Variants in SLC37A2 observed in about 807,000 individuals in gnomAD.
The protein encoded by SLC37A2 is glucose-6-phosphate exchanger SLC37A2.
A neutral mutation model predicts 70.7 loss-of-function variants in SLC37A2; 59 were observed. The ratio of observed to expected loss-of-function variants is 0.83; its 90% CI spans 0.68 to 1.04. The LOEUF (loss-of-function observed/expected upper bound fraction) is 1.04. Ranked by LOEUF, SLC37A2 falls within the 50% of genes least tolerant of loss-of-function variation. SLC37A2 has a pLI of 0.00. For missense variants in SLC37A2, 580 were observed against 658.1 expected (o/e 0.88, Z 1.30); for synonymous variants, 257 against 262.1 (o/e 0.98, Z 0.19).
In SLC37A2 at chr11:125,083,492, CAG is replaced by C; in HGVS notation, c.977-322_977-321del. On this transcript the variant is annotated intron_variant, in intron 10 of 17. Transcript: ENST00000403796. This position sits in a 1 kb window ranked among gnomAD's most constrained non-coding sequence, Gnocchi z 4.6. Reference sequence around the variant, plus strand: ...GCAGAGAAAGGGCTGGGCTGAGCTTCAGGTTGCGCTCCAGGGGAAAGGTGGCC... The same window carrying C: ...GCAGAGAAAGGGCTGGGCTGAGCTTCGTTGCGCTCCAGGGGAAAGGTGGCC... The C allele has an allele frequency of 3.3e-6, 1 of 302,718 alleles. No individual in the cohort carries two copies. The allele number at this position is 302,718 out of a possible 1,614,324, so 18.8% of individuals were successfully genotyped here.
chr11:125,067,540 G>A (rs1285047403), intron 1 of SLC37A2, among the ~76,000 whole-genome samples: 1 of 152,104 alleles, frequency 6.6e-6, no homozygotes. Context: ...TTATTTCCAA[G>A]CAATTGATCA....
chr11:125,075,587 A>G (rs564690549), intron 1 of SLC37A2, among the ~76,000 whole-genome samples: 1 of 152,360 alleles, frequency 6.6e-6, no homozygotes, highest in South Asian at 2.1e-4. Flanking sequence ...GGGCAGGAGC[A>G]ACTTCAGTCT....
At chr11:125,066,963 C>CTATTTTATTT (rs67287584) in intron 1 of SLC37A2, among the ~76,000 whole-genome samples, 1,856 of 150,730 alleles carry the variant, frequency 0.012, 42 homozygotes, top group African/African-American at 0.04. Context: ...AGCCTAGTAA[C>CTATTTTATTT]TATTTTATTT....
At chr11:125,068,944 G>C (rs2135559504) in intron 1 of SLC37A2, among the ~76,000 whole-genome samples, 1 of 152,336 alleles carries the variant, frequency 6.6e-6, no homozygotes. Context: ...AGAATAGGAA[G>C]CTGAAAGTGG....
At chr11:125,084,952 G>T in intron 13 of SLC37A2, 79 bp downstream of exon 13, 1 of 1,596,850 alleles carries the variant, frequency 6.3e-7, no homozygotes, top group Non-Finnish European at 8.6e-7. Flanking sequence ...GCCCACGGGG[G>T]GCACTGACAG....
chr11:125,063,937 G>T lies in SLC37A2; in HGVS notation c.59+511G>T, dbSNP rs1948956054. ...TCGTCTCGAGGCCTTTCAGCACCTG[G>T]AAAGGGCACAGCTCTCAGAGCAGAG... On this transcript the variant is annotated intron_variant, in intron 1 of 17. Transcript: ENST00000403796. This position sits in a 1 kb window ranked among gnomAD's most constrained non-coding sequence, Gnocchi z 5.4. 6.6e-6 allele frequency among the ~76,000 whole-genome samples: 1 copy of T among 152,188 alleles called. No individual in the cohort carries two copies. Among genetic ancestry groups the T allele is most frequent in the South Asian group, 2.1e-4 (1 of 4,838 alleles).
intron 1 of SLC37A2, among the ~76,000 whole-genome samples, chr11:125,073,677 C>T (rs952287777): frequency 2.0e-5 from 3 of 152,238 alleles, no homozygotes; most frequent in Non-Finnish European, 1.5e-5. Context: ...GGAATGAAAC[C>T]AGCTTTTGCC....
At chr11:125,086,378 T>A in intron 17 of SLC37A2, 2 of 853,772 alleles carry the variant, frequency 2.3e-6, no homozygotes, top group Non-Finnish European at 4.0e-6. Context: ...GGGCCAGTTG[T>A]AAAGACTTTC....
chr11:125,075,490 A>G (rs1949074512), intron 1 of SLC37A2, among the ~76,000 whole-genome samples: 1 of 151,874 alleles, frequency 6.6e-6, no homozygotes, highest in South Asian at 2.1e-4. Flanking sequence ...CGGGGCGTGG[A>G]GCTGCCTGCA....
intron 1 of SLC37A2, among the ~76,000 whole-genome samples, chr11:125,075,443 C>T (rs769180691): frequency 4.7e-4 from 71 of 152,346 alleles, no homozygotes; most frequent in Non-Finnish European, 9.4e-4. Context: ...CTCTGTGACC[C>T]ACATGTGTGC....
Position 125,083,880 on chromosome 11 carries a change from G to A in SLC37A2, c.1039+3G>A, listed in dbSNP as rs1222336697. 4 of 1,614,096 alleles carry A rather than the reference G, an allele frequency of 2.5e-6. No individual in the cohort carries two copies. The highest frequency in any genetic ancestry group is 3.4e-6 in the Non-Finnish European group (4 of 1,179,938). On this transcript the variant is annotated splice_donor_region_variant and intron_variant, in intron 11 of 17. Coordinates refer to ENST00000403796, the MANE Select transcript of SLC37A2 (RefSeq NM_001145290.2). The surrounding 1 kb of genome is among the most constrained non-coding windows in gnomAD (Gnocchi z 4.6). ...CTTCGATGTTGGTGGCATCATAGGT[G>A]AGGCCTTGCCCTGCTCTGCCAGCAG...
rs1382852952 is a variant in SLC37A2 at position 125,085,976 on chromosome 11, A to C, written c.1448A>C (p.Lys483Thr). The C allele has an allele frequency of 6.2e-7, 1 of 1,614,044 alleles. No individual in the cohort carries two copies. The highest frequency in any genetic ancestry group is 8.5e-7 in the Non-Finnish European group (1 of 1,179,992). The change falls in exon 17 of 18, where the codon AAA becomes ACA. Residue 483 changes from lysine (K) to threonine (T), a missense_variant. Transcript: ENST00000403796. ...CAGCTCCTTTGCCGGTTAGTATACAAAGAGATCTTGGCCTGGAAGGTGTCC... is the reference window on the plus strand; with the variant it reads ...CAGCTCCTTTGCCGGTTAGTATACACAGAGATCTTGGCCTGGAAGGTGTCC... ...ACLLLCRLVY[K>T]EILAWKVSLS...
intron 1 of SLC37A2, among the ~76,000 whole-genome samples, chr11:125,074,509 G>A (rs941111810): frequency 2.6e-5 from 4 of 152,002 alleles, no homozygotes; most frequent in Non-Finnish European, 5.9e-5. Flanking sequence ...TGAGGTTGTC[G>A]GGGACAGAAC....
At chr11:125,079,638 C>A (rs749732749) in intron 5 of SLC37A2, 46 bp from the exon 6 acceptor site, 1 of 1,495,238 alleles carries the variant, frequency 6.7e-7, no homozygotes, top group Non-Finnish European at 9.2e-7. Context: ...GGGAGCCAGT[C>A]GCACAGCCCA....
At chr11:125,071,359 A>G (rs1343835426) in intron 1 of SLC37A2, among the ~76,000 whole-genome samples, 1 of 151,998 alleles carries the variant, frequency 6.6e-6, no homozygotes, top group African/African-American at 2.4e-5. Context: ...GAGCCCCACC[A>G]ACACTCCCAC....
intron 1 of SLC37A2, among the ~76,000 whole-genome samples, chr11:125,067,223 C>T (rs1407615176): frequency 2.0e-5 from 3 of 152,128 alleles, no homozygotes; most frequent in African/African-American, 7.2e-5. Flanking sequence ...AAGCCATCCT[C>T]CTACCTCATC....
chr11:125,072,212 T>A (rs1949036157), intron 1 of SLC37A2, among the ~76,000 whole-genome samples: 1 of 152,136 alleles, frequency 6.6e-6, no homozygotes, highest in Admixed American at 6.5e-5. Context: ...CATTTCTTGA[T>A]TTTTACCCCA....
chr11:125,076,226 C>T (rs193184202), intron 1 of SLC37A2, among the ~76,000 whole-genome samples: 56 of 152,248 alleles, frequency 3.7e-4, no homozygotes, highest in Admixed American at 2.7e-3. Context: ...TCTGTCACCA[C>T]CTGTCCCACT....
In SLC37A2 at chr11:125,086,288, C is replaced by T. The variant is rs552628722; in HGVS notation, c.1490+270C>T. The stretch of plus-strand genomic sequence containing the variant: ...GAGTATTTACTTCGAGTCTGTGACT[C>T]GAGTGCCATTTGAGTGGGGGCTGCA... On this transcript the variant is annotated intron_variant, in intron 17 of 17. Transcript: ENST00000403796. The T allele has an allele frequency of 2.3e-5, 36 of 1,553,880 alleles. No homozygotes were observed. The East Asian group carries it at 2.7e-4, about 12-fold the overall frequency.
Sources: gnomAD v4.1 joint callset for allele counts (sites outside exome capture counted in the v4.1 genomes callset) on GRCh38, gnomAD v4.1.1 for gene constraint, Gnocchi (gnomAD v3.1) non-coding constraint, MANE v1.5 for transcripts, NCBI Gene and HGNC (gene_info 2026-07-23, HGNC 2026-07-21) for gene names.